The following ABL2 variants were observed in gnomAD, a reference collection of about 807,000 sequenced individuals.
The protein encoded by ABL2 is tyrosine-protein kinase ABL2.
In ABL2, 49 loss-of-function variants were observed where a neutral mutation model predicts 107.7. That is an observed-to-expected ratio of 0.45 (90% CI 0.36 to 0.58). The LOEUF (loss-of-function observed/expected upper bound fraction) is 0.58, where lower values mean the gene tolerates loss of function less well. Ranked by LOEUF, ABL2 falls within the 20% of genes least tolerant of loss-of-function variation. The pLI is 0.00. For synonymous variants in ABL2, 549 were observed against 548.6 expected (o/e 1.00, Z -0.01); for missense variants, 1,245 against 1,457.0 (o/e 0.85, Z 2.37).
At chr1:179,122,592 A>G (rs1303782085) in intron 4 of ABL2, among the ~76,000 whole-genome samples, 2 of 151,850 alleles carry the variant, frequency 1.3e-5, no homozygotes, top group Non-Finnish European at 2.9e-5. Flanking sequence ...CTTCAAATAT[A>G]TATATATTTT....
chr1:179,116,443 A>G (rs1020058412), intron 8 of ABL2, among the ~76,000 whole-genome samples: 4 of 152,192 alleles, frequency 2.6e-5, no homozygotes, highest in African/African-American at 7.2e-5. Flanking sequence ...TAGCACTCCA[A>G]TGCAATAAGA....
At chr1:179,188,653 T>A (rs1185653893) in intron 1 of ABL2, among the ~76,000 whole-genome samples, 2 of 152,172 alleles carry the variant, frequency 1.3e-5, no homozygotes, top group Non-Finnish European at 2.9e-5. Flanking sequence ...AATAAATATT[T>A]AGTTAGCACC....
At chr1:179,166,076 C>A (rs1659360880) in intron 1 of ABL2, among the ~76,000 whole-genome samples, 1 of 152,114 alleles carries the variant, frequency 6.6e-6, no homozygotes. Context: ...GGATTACAGG[C>A]ATGAGCCACC....
At position 179,102,229 on chromosome 1, in the gene ABL2, T is replaced by A. The variant is rs1653157994; in HGVS notation, c.*5489A>T. The A allele has an allele frequency of 5.7e-6, 1 of 174,190 alleles. No individual in the cohort carries two copies. The highest frequency in any genetic ancestry group is 1.2e-5 in the Non-Finnish European group (1 of 80,638). 10.8% of individuals were successfully genotyped at this position (174,190 alleles called of 1,614,324 possible). ...GGTTTCACCGTGTTAGCCAGGATGG[T>A]CTCAATCTCCTGACCTCGTGATCCA... On this transcript the variant is annotated 3_prime_UTR_variant, in exon 12 of 12. Coordinates refer to ENST00000502732, the MANE Select transcript of ABL2 (RefSeq NM_007314.4).
chr1:179,143,827 A>G (rs1239512385), intron 1 of ABL2, among the ~76,000 whole-genome samples: 1 of 151,886 alleles, frequency 6.6e-6, no homozygotes, highest in Non-Finnish European at 1.5e-5. Flanking sequence ...CTCCCAGGTG[A>G]CTGCGATTAC....
intron 6 of ABL2, 41 bp from the exon 7 acceptor site, chr1:179,118,805 T>C (rs753228993): frequency 6.3e-6 from 10 of 1,598,990 alleles, no homozygotes; most frequent in Non-Finnish European, 6.8e-6. Flanking sequence ...TTAGTGTACA[T>C]TCAAACACTC....
At chr1:179,227,116 T>C (rs1663261217) in intron 1 of ABL2, among the ~76,000 whole-genome samples, 1 of 152,210 alleles carries the variant, frequency 6.6e-6, no homozygotes, top group Admixed American at 6.5e-5. Flanking sequence ...CTGCCAGATT[T>C]TCCATAACCC....
chr1:179,168,429 A>T (rs1659520415), intron 1 of ABL2, among the ~76,000 whole-genome samples: 1 of 152,036 alleles, frequency 6.6e-6, no homozygotes, highest in Non-Finnish European at 1.5e-5. Flanking sequence ...TTGTCCCTCA[A>T]ATATTCTCAA....
chr1:179,196,776 C>CA (rs532267646), intron 1 of ABL2, among the ~76,000 whole-genome samples: 14,075 of 140,836 alleles, frequency 0.1, 707 homozygotes, highest in African/African-American at 0.12. Context: ...AACAAACAAA[C>CA]AAAAAAAAAC....
At chr1:179,150,010 C>G (rs1658267699) in intron 1 of ABL2, among the ~76,000 whole-genome samples, 2 of 152,110 alleles carry the variant, frequency 1.3e-5, no homozygotes, top group Admixed American at 6.6e-5. Flanking sequence ...GGTGGGAGGG[C>G]TGCTTTAGGC....
intron 1 of ABL2, among the ~76,000 whole-genome samples, chr1:179,179,421 G>A (rs971684186): frequency 1.3e-5 from 2 of 151,582 alleles, no homozygotes; most frequent in African/African-American, 4.8e-5. Context: ...GTTATATAAT[G>A]TAAATATTAG....
intron 1 of ABL2, among the ~76,000 whole-genome samples, chr1:179,167,922 T>C (rs1032562679): frequency 3.9e-5 from 6 of 152,162 alleles, no homozygotes; most frequent in Admixed American, 1.3e-4. Flanking sequence ...GAGGTTGCAA[T>C]GAGCCGAGAT....
chr1:179,104,932 G>C lies in ABL2; in HGVS notation c.*2786C>G, dbSNP rs1653372343. The C allele has an allele frequency of 4.5e-6, 1 of 223,084 alleles. No homozygotes were observed. The highest frequency in any genetic ancestry group is 6.5e-5 in the East Asian group (1 of 15,350). 13.8% of individuals were successfully genotyped at this position (223,084 alleles called of 1,614,324 possible). On this transcript the variant is annotated 3_prime_UTR_variant, in exon 12 of 12. Transcript: ENST00000502732. ...ATTCAAACCTTTTAATTTACATAAGGGTTTGTGTTTAAGCTGGTCCTTTTC... is the reference window on the plus strand; with the variant it reads ...ATTCAAACCTTTTAATTTACATAAGCGTTTGTGTTTAAGCTGGTCCTTTTC...
intron 1 of ABL2, among the ~76,000 whole-genome samples, chr1:179,143,727 C>T (rs1057183001): frequency 3.9e-5 from 6 of 152,206 alleles, no homozygotes; most frequent in South Asian, 2.1e-4. Flanking sequence ...GACGGAGTCT[C>T]GCTCTGTCGC....
chr1:179,118,601 C>A lies in ABL2; in HGVS notation c.1209G>T (p.Lys403Asn), dbSNP rs776373214. Residue 403 changes from lysine to asparagine, a missense_variant, in exon 7 of 12, where the codon AAG becomes AAT. Coordinates refer to ENST00000502732, the MANE Select transcript of ABL2 (RefSeq NM_007314.4). Reference sequence around the variant, plus strand: ...GTTTTACACACCTATGGATGAAATTCTTCTTCTCTAAGTACTCCATTGCAG... The same window carrying A: ...GTTTTACACACCTATGGATGAAATTATTCTTCTCTAAGTACTCCATTGCAG... ...ISSAMEYLEK[K>N]NFIHRDLAAR... The A allele has an allele frequency of 6.2e-6, 10 of 1,613,128 alleles. No homozygotes were observed. In the South Asian group the frequency reaches 6.6e-5, roughly 11 times the overall value.
chr1:179,136,713 T>A (rs1374527328), intron 1 of ABL2, among the ~76,000 whole-genome samples: 2 of 126,206 alleles, frequency 1.6e-5, no homozygotes, highest in Admixed American at 7.7e-5. Context: ...CAATAAAAAA[T>A]AAATAAATAA....
At position 179,106,252 on chromosome 1, in the gene ABL2, C is replaced by T. The variant is rs1287697342; in HGVS notation, c.*1466G>A. 1 of 227,506 alleles carries T rather than the reference C, an allele frequency of 4.4e-6. No homozygotes were observed. The highest frequency in any genetic ancestry group is 8.7e-6 in the Non-Finnish European group (1 of 114,618). 14.1% of individuals were successfully genotyped at this position (227,506 alleles called of 1,614,324 possible). ...AATAATACCTAACTCATTAGATTCA[C>T]TTCCATGCCATCCTAATTAGCTTCC... On this transcript the variant is annotated 3_prime_UTR_variant, in exon 12 of 12. Transcript: ENST00000502732.
chr1:179,153,856 C>T lies in ABL2; in HGVS notation c.158-20482G>A, dbSNP rs1030221295. On this transcript the variant is annotated intron_variant, in intron 1 of 11. Coordinates refer to ENST00000502732, the MANE Select transcript of ABL2 (RefSeq NM_007314.4). ...CCTATAGCCTATGGATAAGTAGATA[C>T]CTTTGGATATCCTAAAGGCAACAAA... Among the ~76,000 whole-genome samples the T allele has an allele frequency of 1.8e-4, 27 of 152,106 alleles. 1 individual carries two copies.
intron 1 of ABL2, among the ~76,000 whole-genome samples, chr1:179,224,786 CAG>C (rs1202204656): frequency 2.7e-5 from 4 of 146,842 alleles, no homozygotes; most frequent in Non-Finnish European, 5.9e-5. Flanking sequence ...GAGGCCGAGG[CAG>C]AGTATCACCT....
Sources: allele counts gnomAD v4.1 joint callset (sites outside exome capture counted in the v4.1 genomes callset), GRCh38; gene constraint gnomAD v4.1.1; transcripts MANE v1.5; gene names NCBI Gene and HGNC (gene_info 2026-07-23, HGNC 2026-07-21).